IGF2R: variants seen among roughly 807,000 people sequenced by gnomAD.
IGF2R encodes the protein cation-independent mannose-6-phosphate receptor.
Under a neutral mutation model 270.6 loss-of-function variants are expected in IGF2R, and 91 were observed. The observed-to-expected ratio is 0.34, with a 90% CI of 0.28 to 0.40. IGF2R has a LOEUF of 0.40. Ranked by LOEUF, IGF2R falls within the 10% of genes least tolerant of loss-of-function variation. The pLI is 1.00. For synonymous variants in IGF2R, 1,316 were observed against 1,258.9 expected (o/e 1.05, Z -0.96); for missense variants, 2,805 against 3,188.3 (o/e 0.88, Z 2.90).
In IGF2R at chr6:160,069,066, T is replaced by C. The variant is rs114994100; in HGVS notation, c.4252+681T>C. On this transcript the variant is annotated intron_variant, in intron 30 of 47. Coordinates refer to ENST00000356956, the MANE Select transcript of IGF2R (RefSeq NM_000876.4). ...AGATGGGGGGTGTGACGTGGAGGTC[T>C]TGGTGTGTGCCTGCGTATGTTGAGA... is the stretch of plus-strand genomic sequence containing the variant. Among the ~76,000 whole-genome samples, 605 of 152,174 alleles carry C rather than the reference T, an allele frequency of 4.0e-3. 3 individuals are homozygous for C. The highest frequency in any genetic ancestry group is 0.013 in the African/African-American group (522 of 41,498).
rs375734462 is a variant in IGF2R at position 160,040,678 on chromosome 6, C to A, written c.1434C>A (p.Thr478=). Residue 478 remains threonine (T), a synonymous_variant, in exon 11 of 48, where the codon ACC becomes ACA. Transcript: ENST00000356956. ...KEKEDLLCGA[T]DGKKRYDLSA... ...AGGAAGACCTCCTCTGCGGTGCCAC[C>A]GACGGGAAGAAGCGCTATGACCTGT... is the stretch of plus-strand genomic sequence containing the variant. The A allele has an allele frequency of 3.7e-6, 6 of 1,614,048 alleles. No individual in the cohort carries two copies. Among genetic ancestry groups the A allele is most frequent in the Non-Finnish European group, 5.1e-6 (6 of 1,180,048 alleles).
chr6:159,991,444 G>C, intron 2 of IGF2R, 121 bp downstream of exon 2: 1 of 794,104 alleles, frequency 1.3e-6, no homozygotes, highest in Non-Finnish European at 2.0e-6. Context: ...GAAATCATAA[G>C]TGTTTATAAT....
intron 1 of IGF2R, among the ~76,000 whole-genome samples, chr6:159,990,356 G>T (rs1783957395): frequency 6.6e-6 from 1 of 152,128 alleles, no homozygotes; most frequent in East Asian, 1.9e-4. Context: ...TGTTCTCGTG[G>T]TCATGAGTGA....
rs1191621746 is a variant in IGF2R, at chr6:160,102,052, G to A, written c.6843-467G>A. Among the ~76,000 whole-genome samples the A allele has an allele frequency of 6.6e-6, 1 of 152,144 alleles. No homozygotes were observed. Among genetic ancestry groups the A allele is most frequent in the African/African-American group, 2.4e-5 (1 of 41,438 alleles). On this transcript the variant is annotated intron_variant, in intron 45 of 47. Transcript: ENST00000356956. The surrounding 1 kb of genome is among the most constrained non-coding windows in gnomAD (Gnocchi z 4.5). The stretch of plus-strand genomic sequence containing the variant: ...GGCCCCGTCCTGGCCTGTTTCTAAG[G>A]CCCCCTGGGCCCCTTTCGTGTGGAG...
At position 160,084,542 on chromosome 6, in the gene IGF2R, G is replaced by C. The variant is rs993719610; in HGVS notation, c.6068+358G>C. On this transcript the variant is annotated intron_variant, in intron 40 of 47. Transcript: ENST00000356956. The surrounding 1 kb of genome is among the most constrained non-coding windows in gnomAD (Gnocchi z 4.6). ...CTTTGGCAGGAGCTCCTTAGGCTTT[G>C]CTGGCTGGGGTCAGCCCATGGTCCT... Among the ~76,000 whole-genome samples, 1 of 152,186 alleles carries C rather than the reference G, an allele frequency of 6.6e-6. No homozygotes were observed. The highest frequency in any genetic ancestry group is 1.5e-5 in the Non-Finnish European group (1 of 68,030).
At chr6:160,040,820 A>G (rs1035484751) in intron 11 of IGF2R, 96 bp downstream of exon 11, 8 of 1,315,830 alleles carry the variant, frequency 6.1e-6, no homozygotes, top group South Asian at 2.8e-5. Flanking sequence ...TTTCTTTGTC[A>G]GTGGGTTGCG....
At chr6:160,059,832 G>T (rs1778395845) in intron 22 of IGF2R, among the ~76,000 whole-genome samples, 2 of 152,252 alleles carry the variant, frequency 1.3e-5, no homozygotes, top group South Asian at 4.1e-4. Flanking sequence ...TCCTCGCTCT[G>T]CAACCAGCAC....
Position 160,047,883 on chromosome 6 carries a change from C to G in IGF2R, c.2321C>G (p.Thr774Arg). Residue 774 changes from threonine (T) to arginine (R), a missense_variant, in exon 17 of 48, where the codon ACG becomes AGG. Physicochemically the swap from Thr to Arg is moderately conservative, Grantham distance 71. This residue lies in a region of IGF2R where 954 missense variants were observed against 981.1 expected (regional missense o/e 0.97). Coordinates refer to ENST00000356956, the MANE Select transcript of IGF2R (RefSeq NM_000876.4). ...PLECVVTDPS[T>R]LEQYDLSSLA... Reference sequence around the variant, plus strand: ...GAATGCGTAGTGACCGACCCCTCCACGCTGGAGCAGTACGACCTCTCCAGG... The same window carrying G: ...GAATGCGTAGTGACCGACCCCTCCAGGCTGGAGCAGTACGACCTCTCCAGG... 6.2e-7 allele frequency: 1 copy of G among 1,613,142 alleles called. No homozygotes were observed. Among genetic ancestry groups the G allele is most frequent in the East Asian group, 2.2e-5 (1 of 44,884 alleles).
At chr6:159,975,314 G>C (rs769819404) in intron 1 of IGF2R, among the ~76,000 whole-genome samples, 1 of 152,178 alleles carries the variant, frequency 6.6e-6, no homozygotes, top group Non-Finnish European at 1.5e-5. Context: ...AGATGTTTAG[G>C]GCGAGGTATT....
At chr6:159,974,039 C>T (rs540462513) in intron 1 of IGF2R, among the ~76,000 whole-genome samples, 4 of 152,206 alleles carry the variant, frequency 2.6e-5, no homozygotes, top group Admixed American at 6.5e-5. Context: ...AGGAGGTGGG[C>T]GTAGCAGCTG....
At chr6:159,985,838 G>A (rs571268885) in intron 1 of IGF2R, among the ~76,000 whole-genome samples, 5 of 152,092 alleles carry the variant, frequency 3.3e-5, no homozygotes, top group Non-Finnish European at 7.4e-5. Flanking sequence ...ACTGTTTTAC[G>A]CTCTGAAAAA....
At chr6:160,039,705 A>AG (rs757478622) in intron 10 of IGF2R, among the ~76,000 whole-genome samples, 4 of 152,192 alleles carry the variant, frequency 2.6e-5, no homozygotes, top group Non-Finnish European at 4.4e-5. Flanking sequence ...TGAAACCATC[A>AG]GGGGTGGGAA....
chr6:160,046,874 G>A (rs778802244), intron 15 of IGF2R, among the ~76,000 whole-genome samples: 2 of 152,180 alleles, frequency 1.3e-5, no homozygotes, highest in African/African-American at 2.4e-5. Context: ...TCACTATTGC[G>A]CATTTTGTGC....
intron 10 of IGF2R, among the ~76,000 whole-genome samples, chr6:160,039,913 A>G (rs903589576): frequency 6.6e-6 from 1 of 152,174 alleles, no homozygotes; most frequent in Non-Finnish European, 1.5e-5. Context: ...TCTTGGTGGA[A>G]GAAGAGGCTT....
intron 1 of IGF2R, among the ~76,000 whole-genome samples, chr6:159,983,892 A>C (rs549540061): frequency 3.9e-5 from 6 of 152,326 alleles, no homozygotes; most frequent in African/African-American, 1.4e-4. Context: ...TTCCATGGAA[A>C]CCAGTTGGGT....
intron 2 of IGF2R, among the ~76,000 whole-genome samples, chr6:159,995,570 T>C (rs1784039971): frequency 6.6e-6 from 1 of 152,308 alleles, no homozygotes; most frequent in Admixed American, 6.5e-5. Flanking sequence ...AATTCAAACC[T>C]GTCTTTAAGC....
chr6:160,072,720 C>T, intron 32 of IGF2R, 45 bp from the exon 33 acceptor site: 1 of 1,613,448 alleles, frequency 6.2e-7, no homozygotes, highest in Non-Finnish European at 8.5e-7. Flanking sequence ...TCCCAAGTCT[C>T]AGCTCCCTGG....
chr6:160,108,069 C>CTA lies in IGF2R; in HGVS notation c.*2985_*2986insTA, dbSNP rs1325341236. 6.6e-6 allele frequency: 1 copy of CTA among 152,312 alleles called. No individual in the cohort carries two copies. Among genetic ancestry groups the CTA allele is most frequent in the Non-Finnish European group, 1.5e-5 (1 of 68,116 alleles). 9.4% of individuals were successfully genotyped at this position (152,312 alleles called of 1,614,324 possible). ...GGTCACAAGGAGCCAGTGTGTGTGT[C>CTA]ACCAGGAGGTTGTATGGACGAGACT... On this transcript the variant is annotated 3_prime_UTR_variant, in exon 48 of 48. Coordinates refer to ENST00000356956, the MANE Select transcript of IGF2R (RefSeq NM_000876.4).
chr6:159,978,483 A>C (rs1432791230), intron 1 of IGF2R, among the ~76,000 whole-genome samples: 1 of 152,112 alleles, frequency 6.6e-6, no homozygotes, highest in Non-Finnish European at 1.5e-5. Context: ...AGGATCAGGA[A>C]GTCTCAGCTA....
Sources: gnomAD v4.1 joint callset for allele counts (sites outside exome capture counted in the v4.1 genomes callset) on GRCh38, gnomAD v4.1.1 for gene constraint, gnomAD v4.1.1 regional missense constraint, Gnocchi (gnomAD v3.1) non-coding constraint, MANE v1.5 for transcripts, NCBI Gene and HGNC (gene_info 2026-07-23, HGNC 2026-07-21) for gene names.